MAB21L4: variants seen among roughly 807,000 people sequenced by gnomAD.
The protein encoded by MAB21L4 is mab-21 like 4.
Under a neutral mutation model 32.4 loss-of-function variants are expected in MAB21L4, and 25 were observed. The ratio of observed to expected loss-of-function variants is 0.77; its 90% CI spans 0.56 to 1.08. MAB21L4 has a LOEUF of 1.08. Among genes scored for constraint, MAB21L4 ranks in the 50% least tolerant of loss-of-function variants. The probability of loss-of-function intolerance (pLI) is 0.00; values close to 1 mark genes in which losing one functional copy is unlikely to be tolerated. For synonymous variants in MAB21L4, 280 were observed against 276.8 expected (o/e 1.01, Z -0.11); for missense variants, 638 against 611.0 (o/e 1.04, Z -0.47).
At chr2:240,889,974 C>T (rs1010867366) in intron 3 of MAB21L4, 31 bp downstream of exon 3, 1 of 1,584,066 alleles carries the variant, frequency 6.3e-7, no homozygotes, top group African/African-American at 1.3e-5. Flanking sequence ...GCCCTGGTGA[C>T]AGACAACCCG....
At position 240,891,535 on chromosome 2, in the gene MAB21L4, T is replaced by C. The variant is rs1336103256; in HGVS notation, c.740+3A>G. The C allele has an allele frequency of 1.2e-6, 2 of 1,603,658 alleles. No individual in the cohort carries two copies. Among genetic ancestry groups the C allele is most frequent in the South Asian group, 1.1e-5 (1 of 90,596 alleles). On this transcript the variant is annotated splice_donor_region_variant and intron_variant, in intron 2 of 4. Transcript: ENST00000388934. ...AACCTTGTGACCAGGAGGGTGCGCC[T>C]ACCTCCAGAGCTGGGCGCTGGCCGG...
intron 4 of MAB21L4, 61 bp from the exon 5 acceptor site, chr2:240,887,223 T>TCACCAAGGAATGGCATACAGTGCAGG: frequency 7.1e-7 from 1 of 1,400,838 alleles, no homozygotes; most frequent in Non-Finnish European, 1.0e-6. Context: ...TGATAAGCTC[T>TCACCAAGGAATGGCATACAGTGCAGG]CAGGGCCGAG....
chr2:240,889,978 C>A, intron 3 of MAB21L4, 27 bp downstream of exon 3: 1 of 1,586,656 alleles, frequency 6.3e-7, no homozygotes. Flanking sequence ...TGGTGACAGA[C>A]AACCCGCCGA....
intron 1 of MAB21L4, among the ~76,000 whole-genome samples, chr2:240,893,824 G>A (rs1261061599): frequency 6.6e-6 from 1 of 152,182 alleles, no homozygotes; most frequent in East Asian, 1.9e-4. Context: ...ACCCCAATGG[G>A]TGGGCCTGTC....
intron 2 of MAB21L4, 38 bp from the exon 3 acceptor site, chr2:240,890,196 G>T (rs150894078): frequency 3.2e-6 from 5 of 1,567,696 alleles, no homozygotes; most frequent in South Asian, 1.2e-5. Flanking sequence ...AGCCCCCGCC[G>T]CTGTTGGCCC....
Position 240,890,023 on chromosome 2 carries a change from C to A in MAB21L4, c.876G>T (p.Leu292=), listed in dbSNP as rs775542066. The A allele has an allele frequency of 6.2e-7, 1 of 1,611,726 alleles. No homozygotes were observed. Residue 292 remains leucine, a synonymous_variant, in exon 3 of 5, where the codon CTG becomes CTT. Transcript: ENST00000388934. ...TGGGTACCTTCAGGTGGCCAAAGGTCAGGCCGTCAGTCTGGCCACTGTCAC... is the reference window on the plus strand; with the variant it reads ...TGGGTACCTTCAGGTGGCCAAAGGTAAGGCCGTCAGTCTGGCCACTGTCAC... ...SWRDSGQTDG[L]TFGHLKMVLL...
chr2:240,891,995 T>C, intron 1 of MAB21L4: 1 of 1,522,050 alleles, frequency 6.6e-7, no homozygotes. Flanking sequence ...ATGGTGACAG[T>C]CCTCGGCACA....
In MAB21L4 at chr2:240,895,890, GA is replaced by G; in HGVS notation, c.107del (p.Phe36SerfsTer58). The G allele has an allele frequency of 6.5e-7, 1 of 1,535,672 alleles. No homozygotes were observed. The highest frequency in any genetic ancestry group is 8.8e-7 in the Non-Finnish European group (1 of 1,139,868). On this transcript the variant is annotated frameshift_variant, in exon 1 of 5. Transcript: ENST00000388934. LOFTEE classifies it high-confidence loss of function. ...RSREAPRAQD[F>X]QRAENVLLTV... is the part of the protein sequence containing the mutation. ...TGAGCAGCACGTTCTCTGCGCGCTG[GA>G]AGTCCTGGGCACGCGGCGCCTCCCG... is the stretch of plus-strand genomic sequence containing the variant.
rs529352392 is a variant in MAB21L4 at position 240,890,059 on chromosome 2, G to C, written c.840C>G (p.His280Gln). The change falls in exon 3 of 5, where the codon CAC (histidine) becomes CAG (glutamine). Residue 280 changes from histidine to glutamine, a missense_variant. Physicochemically the swap from His to Gln is conservative, Grantham distance 24 (BLOSUM62 0). Transcript: ENST00000388934. ...TCTGGCCACTGTCACGCCAGCTCTCGTGGTTGACCCGGTCGAGGATGGAGA... is the reference window on the plus strand; with the variant it reads ...TCTGGCCACTGTCACGCCAGCTCTCCTGGTTGACCCGGTCGAGGATGGAGA... Reference protein sequence around the residue: ...DSLSILDRVNHESWRDSGQTD... With the variant: ...DSLSILDRVNQESWRDSGQTD... 1 of 1,613,474 alleles carries C rather than the reference G, an allele frequency of 6.2e-7. No individual in the cohort carries two copies. Among genetic ancestry groups the C allele is most frequent in the African/African-American group, 1.3e-5 (1 of 75,074 alleles).
chr2:240,890,390 C>A (rs2059134382), intron 2 of MAB21L4, among the ~76,000 whole-genome samples: 1 of 152,342 alleles, frequency 6.6e-6, no homozygotes, highest in East Asian at 1.9e-4. Flanking sequence ...GATGTAGGAG[C>A]CTCCAGGCCA....
intron 1 of MAB21L4, chr2:240,892,092 CA>C: frequency 7.1e-7 from 1 of 1,407,078 alleles, no homozygotes; most frequent in East Asian, 2.6e-5. Context: ...CCTCACCCCA[CA>C]CCCCAGGACC....
chr2:240,891,752 C>G lies in MAB21L4; in HGVS notation c.526G>C (p.Ala176Pro). The change falls in exon 2 of 5, where the codon GCG (alanine) becomes CCG (proline). Residue 176 changes from alanine to proline, a missense_variant. Physicochemically the swap from Ala to Pro is conservative, Grantham distance 27. Coordinates refer to ENST00000388934, the MANE Select transcript of MAB21L4 (RefSeq NM_001085437.3). ...AGCTGCTCCTCCCTCAGGCTGGCCG[C>G]GTTCAGCGAACCTGCAAAGACCCAA... Reference protein sequence around the residue: ...HSLIAPGSLNAASLREEQLHL... With the variant: ...HSLIAPGSLNPASLREEQLHL... 1 of 1,608,288 alleles carries G rather than the reference C, an allele frequency of 6.2e-7. No homozygotes were observed. Among genetic ancestry groups the G allele is most frequent in the Non-Finnish European group, 8.5e-7 (1 of 1,178,882 alleles).
In MAB21L4 at chr2:240,895,884, G is replaced by T. The variant is rs768770305; in HGVS notation, c.114C>A (p.Arg38=). 4.7e-5 allele frequency: 73 copies of T among 1,538,846 alleles called. No homozygotes were observed. Among genetic ancestry groups the T allele is most frequent in the Non-Finnish European group, 6.0e-5 (69 of 1,141,294 alleles). The change falls in exon 1 of 5, where the codon CGC becomes CGA. Residue 38 remains arginine (R), a synonymous_variant. Coordinates refer to ENST00000388934, the MANE Select transcript of MAB21L4 (RefSeq NM_001085437.3). ...GCACCGTGAGCAGCACGTTCTCTGC[G>T]CGCTGGAAGTCCTGGGCACGCGGCG... ...REAPRAQDFQ[R]AENVLLTVLE...
At chr2:240,890,948 A>G (rs1479759433) in intron 2 of MAB21L4, among the ~76,000 whole-genome samples, 3 of 152,210 alleles carry the variant, frequency 2.0e-5, no homozygotes, top group Admixed American at 6.5e-5. Context: ...CAGGAGGGAC[A>G]TAACCAGCTT....
rs891795554 is a variant in MAB21L4, at chr2:240,889,273, A to G, written c.895-625T>C. On this transcript the variant is annotated intron_variant, in intron 3 of 4. Coordinates refer to ENST00000388934, the MANE Select transcript of MAB21L4 (RefSeq NM_001085437.3). The stretch of plus-strand genomic sequence containing the variant: ...AACCTCAAGGGGGGCTGGAAGCTCC[A>G]GGTCAGGTGGGGGCCTGAGAGGGCA... Among the ~76,000 whole-genome samples, 120 of 152,298 alleles carry G rather than the reference A, an allele frequency of 7.9e-4. 1 individual carries two copies. The highest frequency in any genetic ancestry group is 9.7e-4 in the East Asian group (5 of 5,180).
At position 240,888,587 on chromosome 2, in the gene MAB21L4, C is replaced by T. The variant is rs369706707; in HGVS notation, c.956G>A (p.Gly319Asp). The T allele has an allele frequency of 4.7e-5, 76 of 1,606,654 alleles. No homozygotes were observed. The highest frequency in any genetic ancestry group is 6.1e-5 in the Non-Finnish European group (72 of 1,177,772). Reference sequence around the variant, plus strand: ...CACCACCAGCAGGCGGTACACGGCGCCCTGCAGTTCTGCCCAGTCCTCGGG... The same window carrying T: ...CACCACCAGCAGGCGGTACACGGCGTCCTGCAGTTCTGCCCAGTCCTCGGG... ...LAPEDWAELQ[G>D]AVYRLLVVLL... The change falls in exon 4 of 5, where the codon GGC becomes GAC. Residue 319 changes from glycine (G) to aspartate (D), a missense_variant. Transcript: ENST00000388934.
chr2:240,892,172 C>T (rs1169693772), intron 1 of MAB21L4: 2 of 756,052 alleles, frequency 2.6e-6, no homozygotes, highest in East Asian at 3.0e-5. Context: ...GCCAAAGTCC[C>T]AGCCCTCAGC....
intron 1 of MAB21L4, 130 bp downstream of exon 1, chr2:240,895,354 G>T: frequency 1.1e-6 from 1 of 880,944 alleles, no homozygotes; most frequent in Admixed American, 2.8e-5. Flanking sequence ...ACACACAGAA[G>T]ACAGTCGCCA....
chr2:240,892,170 C>A (rs1416175067), intron 1 of MAB21L4: 2 of 798,462 alleles, frequency 2.5e-6, no homozygotes, highest in African/African-American at 3.5e-5. Context: ...GGGCCAAAGT[C>A]CCAGCCCTCA....
Sources: gnomAD v4.1 joint callset for allele counts (sites outside exome capture counted in the v4.1 genomes callset) on GRCh38, gnomAD v4.1.1 for gene constraint, MANE v1.5 for transcripts, NCBI Gene and HGNC (gene_info 2026-07-23, HGNC 2026-07-21) for gene names.